The following KCND2 variants were observed in gnomAD, a reference collection of about 807,000 sequenced individuals.
KCND2 encodes A-type voltage-gated potassium channel KCND2.
In KCND2, 16 loss-of-function variants were observed where a neutral mutation model predicts 54.4. The observed-to-expected ratio is 0.29, with a 90% CI of 0.20 to 0.45. The LOEUF (loss-of-function observed/expected upper bound fraction) is 0.45, where lower values mean the gene tolerates loss of function less well. KCND2 is among the 20% of genes least tolerant of loss of function. KCND2 has a pLI of 1.00. For missense variants in KCND2, 486 were observed against 824.2 expected, an observed-to-expected ratio of 0.59 and a Z score of 5.02; for synonymous variants, 317 against 310.7, an observed-to-expected ratio of 1.02 and a Z score of -0.21.
At position 120,306,073 on chromosome 7, in the gene KCND2, G is replaced by A. The variant is rs149114502; in HGVS notation, c.1115+30326G>A. On this transcript the variant is annotated intron_variant, in intron 1 of 5. Coordinates refer to ENST00000331113, the MANE Select transcript of KCND2 (RefSeq NM_012281.3). ...CTAGCATAGAGTGGACATACAGTCA[G>A]TTGTAGCTGTGACTGTTTCCTGCAT... Among the ~76,000 whole-genome samples, 229 of 152,228 alleles carry A rather than the reference G, an allele frequency of 1.5e-3. 2 individuals carry two copies. Among genetic ancestry groups the A allele is most frequent in the African/African-American group, 4.9e-3 (204 of 41,548 alleles).
At chr7:120,366,193 A>C (rs1800675563) in intron 1 of KCND2, among the ~76,000 whole-genome samples, 1 of 152,076 alleles carries the variant, frequency 6.6e-6, no homozygotes, top group Admixed American at 6.6e-5. Context: ...CTAAGAGTTA[A>C]AGAAATTTTG....
At chr7:120,675,565 C>T (rs910647101) in intron 1 of KCND2, among the ~76,000 whole-genome samples, 1 of 151,946 alleles carries the variant, frequency 6.6e-6, no homozygotes, top group African/African-American at 2.4e-5. Context: ...ATGGTGAATG[C>T]ATGTTTATAT....
At chr7:120,491,770 G>A (rs949188613) in intron 1 of KCND2, among the ~76,000 whole-genome samples, 18 of 151,746 alleles carry the variant, frequency 1.2e-4, no homozygotes, top group Non-Finnish European at 2.1e-4. Flanking sequence ...TTTTAGAGGC[G>A]ATTATGGGAA....
intron 1 of KCND2, among the ~76,000 whole-genome samples, chr7:120,285,569 T>G (rs1799327508): frequency 6.6e-6 from 1 of 151,990 alleles, no homozygotes; most frequent in Non-Finnish European, 1.5e-5. Context: ...TACTTCCATT[T>G]CAGTAAATTC....
intron 1 of KCND2, among the ~76,000 whole-genome samples, chr7:120,518,670 G>A (rs1220112624): frequency 1.3e-5 from 2 of 152,044 alleles, no homozygotes; most frequent in Non-Finnish European, 2.9e-5. Context: ...TGAGAAATGT[G>A]GAATATAAGC....
chr7:120,573,522 G>T (rs1792391382), intron 1 of KCND2, among the ~76,000 whole-genome samples: 1 of 152,118 alleles, frequency 6.6e-6, no homozygotes, highest in African/African-American at 2.4e-5. Context: ...CTTACTTGAA[G>T]ACTCCTAATC....
At chr7:120,415,431 A>C (rs1188599940) in intron 1 of KCND2, among the ~76,000 whole-genome samples, 1 of 152,154 alleles carries the variant, frequency 6.6e-6, no homozygotes, top group Non-Finnish European at 1.5e-5. Flanking sequence ...CTTATCCCAG[A>C]GTTATTAAAT....
intron 1 of KCND2, among the ~76,000 whole-genome samples, chr7:120,335,435 CTTTATTTA>C (rs1283666905): frequency 5.0e-5 from 7 of 141,146 alleles, no homozygotes; most frequent in African/African-American, 1.1e-4. Context: ...CCATGGCTTG[CTTTATTTA>C]TTTATTTATT....
At chr7:120,328,570 G>T (rs1025408245) in intron 1 of KCND2, among the ~76,000 whole-genome samples, 2 of 152,064 alleles carry the variant, frequency 1.3e-5, no homozygotes, top group African/African-American at 4.8e-5. Context: ...AATCTCAAGA[G>T]AAAGCATTTT....
intron 1 of KCND2, among the ~76,000 whole-genome samples, chr7:120,435,281 T>G (rs1344107101): frequency 6.6e-6 from 1 of 150,596 alleles, no homozygotes; most frequent in African/African-American, 2.4e-5. Flanking sequence ...TTTTTTTTTT[T>G]TTTTTTAATT....
intron 1 of KCND2, among the ~76,000 whole-genome samples, chr7:120,503,454 T>C (rs907048145): frequency 6.6e-6 from 1 of 151,884 alleles, no homozygotes; most frequent in African/African-American, 2.4e-5. Context: ...CAGAGACTTG[T>C]ATGTACTTTT....
chr7:120,319,206 T>A (rs1285655139), intron 1 of KCND2, among the ~76,000 whole-genome samples: 1 of 152,070 alleles, frequency 6.6e-6, no homozygotes, highest in African/African-American at 2.4e-5. Flanking sequence ...AGTTTGCTAT[T>A]TGGTTTTTTT....
At chr7:120,609,465 C>T (rs1792924271) in intron 1 of KCND2, among the ~76,000 whole-genome samples, 1 of 152,114 alleles carries the variant, frequency 6.6e-6, no homozygotes, top group Admixed American at 6.6e-5. Context: ...ATGGTCTAAC[C>T]ATCTTTGGGG....
intron 1 of KCND2, among the ~76,000 whole-genome samples, chr7:120,499,801 C>G (rs1802906358): frequency 6.6e-6 from 1 of 152,024 alleles, no homozygotes; most frequent in South Asian, 2.1e-4. Context: ...ATTAAATAAT[C>G]TACTTCATCT....
chr7:120,733,080 C>G lies in KCND2; in HGVS notation c.1278+15C>G, dbSNP rs775253023. The G allele has an allele frequency of 6.2e-7, 1 of 1,612,900 alleles. No homozygotes were observed. The highest frequency in any genetic ancestry group is 1.3e-5 in the African/African-American group (1 of 74,860). On this transcript the variant is annotated intron_variant, in intron 2 of 5. Coordinates refer to ENST00000331113, the MANE Select transcript of KCND2 (RefSeq NM_012281.3). ...GGGCACAAAAGGTGCGTATTCAACTCCGTGCAACCATGGTTTAGCACTTCC... is the reference window on the plus strand; with the variant it reads ...GGGCACAAAAGGTGCGTATTCAACTGCGTGCAACCATGGTTTAGCACTTCC...
chr7:120,366,164 G>A (rs1434067675), intron 1 of KCND2, among the ~76,000 whole-genome samples: 1 of 151,986 alleles, frequency 6.6e-6, no homozygotes. Context: ...GCAGGGTAGT[G>A]TGTATAGGAA....
intron 1 of KCND2, among the ~76,000 whole-genome samples, chr7:120,363,778 C>A (rs1393067718): frequency 1.3e-5 from 2 of 152,100 alleles, no homozygotes; most frequent in East Asian, 3.9e-4. Flanking sequence ...CCTCCCTGAT[C>A]TTCTCCTACC....
At position 120,274,128 on chromosome 7, in the gene KCND2, G is replaced by A. The variant is rs951281790; in HGVS notation, c.-505G>A. The A allele has an allele frequency of 1.2e-5, 2 of 160,840 alleles. No homozygotes were observed. Among genetic ancestry groups the A allele is most frequent in the African/African-American group, 4.8e-5 (2 of 41,494 alleles). 10.0% of individuals were successfully genotyped at this position (160,840 alleles called of 1,614,324 possible). On this transcript the variant is annotated 5_prime_UTR_variant, in exon 1 of 6. Transcript: ENST00000331113. ...AGGTCGCCTTTTTGAGACTCCTTTGGCGGGAAGGGCTACTTGGAAAGGAAG... is the reference window on the plus strand; with the variant it reads ...AGGTCGCCTTTTTGAGACTCCTTTGACGGGAAGGGCTACTTGGAAAGGAAG...
chr7:120,349,229 T>C (rs1800366293), intron 1 of KCND2, among the ~76,000 whole-genome samples: 1 of 152,022 alleles, frequency 6.6e-6, no homozygotes, highest in Non-Finnish European at 1.5e-5. Context: ...TGTGGCTGAT[T>C]AGATGGACAT....
Sources: allele counts gnomAD v4.1 joint callset (sites outside exome capture counted in the v4.1 genomes callset), GRCh38; gene constraint gnomAD v4.1.1; transcripts MANE v1.5; gene names NCBI Gene and HGNC (gene_info 2026-07-23, HGNC 2026-07-21).